The following HELZ variants were observed in gnomAD, a reference collection of about 807,000 sequenced individuals.
HELZ encodes the protein helicase with zinc finger.
HELZ carries 23 observed loss-of-function variants against 218.2 expected under a neutral mutation model. That is an observed-to-expected ratio of 0.11 (90% confidence interval 0.08 to 0.15). The LOEUF is 0.15. Among genes scored for constraint, HELZ ranks in the 10% least tolerant of loss-of-function variants. The pLI is 1.00. For missense variants in HELZ, 1,813 were observed against 2,353.7 expected (o/e 0.77, Z 4.75); for synonymous variants, 814 against 829.4 (o/e 0.98, Z 0.32).
intron 16 of HELZ, 78 bp downstream of exon 16, chr17:67,160,819 G>T: frequency 9.6e-7 from 1 of 1,045,610 alleles, no homozygotes; most frequent in Non-Finnish European, 1.4e-6. Context: ...TGTCTTGCTA[G>T]CCCTCATTGT....
intron 20 of HELZ, among the ~76,000 whole-genome samples, chr17:67,147,359 T>C (rs2144022172): frequency 6.6e-6 from 1 of 152,328 alleles, no homozygotes; most frequent in Middle Eastern, 3.4e-3. Flanking sequence ...ACAGCTCTTG[T>C]TACAGTCTTT....
At position 67,151,430 on chromosome 17, in the gene HELZ, C is replaced by A. The variant is rs182550669; in HGVS notation, c.2178-206G>T. Among the ~76,000 whole-genome samples, 239 of 152,234 alleles carry A rather than the reference C, an allele frequency of 1.6e-3. 2 individuals are homozygous for A. The highest frequency in any genetic ancestry group is 5.5e-3 in the African/African-American group (227 of 41,542). ...GACTCTCTACCAAAAAAATGACAGA[C>A]ATAGAAAGTATATGCAGTACCACAA... On this transcript the variant is annotated intron_variant, in intron 17 of 32. Transcript: ENST00000358691.
intron 5 of HELZ, among the ~76,000 whole-genome samples, chr17:67,207,101 G>A (rs561357612): frequency 1.3e-4 from 20 of 150,064 alleles, no homozygotes; most frequent in African/African-American, 3.4e-4. Context: ...TAGTAGAGAC[G>A]GCGGTTCTCC....
In HELZ at chr17:67,073,920, T is replaced by C. The variant is rs1446847937; in HGVS notation, c.*4332A>G. Reference sequence around the variant, plus strand: ...GGGAAATGTGAGGAGCATATCATAATGAGCATTTTCAAGACTAACATGCCA... The same window carrying C: ...GGGAAATGTGAGGAGCATATCATAACGAGCATTTTCAAGACTAACATGCCA... On this transcript the variant is annotated 3_prime_UTR_variant, in exon 33 of 33. Coordinates refer to ENST00000358691, the MANE Select transcript of HELZ (RefSeq NM_014877.4). 1 of 152,326 alleles carries C rather than the reference T, an allele frequency of 6.6e-6. No homozygotes were observed. The highest frequency in any genetic ancestry group is 2.1e-4 in the South Asian group (1 of 4,834). The allele number at this position is 152,326 out of a possible 1,614,324, so 9.4% of individuals were successfully genotyped here.
At chr17:67,109,036 T>C in intron 29 of HELZ, 80 bp downstream of exon 29, 1 of 1,205,958 alleles carries the variant, frequency 8.3e-7, no homozygotes, top group East Asian at 2.3e-5. Flanking sequence ...CAATTCAATC[T>C]TAACCCAAAA....
intron 18 of HELZ, among the ~76,000 whole-genome samples, chr17:67,150,527 T>C (rs557961812): frequency 1.2e-4 from 19 of 152,184 alleles, no homozygotes; most frequent in Non-Finnish European, 2.4e-4. Flanking sequence ...CTAGTTTGAT[T>C]TTACATGGTT....
Position 67,167,482 on chromosome 17 carries a change from C to A in HELZ, c.1745G>T (p.Arg582Leu), listed in dbSNP as rs750066876. ...ACATACCTGTGTGTCACAGTCAGGC[C>A]GAAGATTAAGTTCTTCACAGCATTC... ...SRECCEELNLRPDCDTQVELQ... is the reference protein window; with the variant it reads ...SRECCEELNLLPDCDTQVELQ... Residue 582 changes from arginine to leucine, a missense_variant, in exon 14 of 33, where the codon CGG becomes CTG. By Grantham distance (102) the Arg-to-Leu change is moderately radical (BLOSUM62 -2). Around this residue, in one of 4 missense-constraint regions of HELZ, gnomAD observed 714 missense variants for 1,029.2 expected, o/e 0.69. Transcript: ENST00000358691. The A allele has an allele frequency of 1.2e-6, 2 of 1,612,424 alleles. No individual in the cohort carries two copies. Among genetic ancestry groups the A allele is most frequent in the Non-Finnish European group, 1.7e-6 (2 of 1,178,784 alleles).
rs774411397 is a variant in HELZ, at chr17:67,107,201, C to T, written c.5209G>A (p.Val1737Ile). 6 of 1,614,042 alleles carry T rather than the reference C, an allele frequency of 3.7e-6. No individual in the cohort carries two copies. The highest frequency in any genetic ancestry group is 5.1e-6 in the Non-Finnish European group (6 of 1,179,940). The change falls in exon 31 of 33, where the codon GTA (valine) becomes ATA (isoleucine). Residue 1737 changes from valine (V) to isoleucine (I), a missense_variant. Val to Ile is a conservative substitution (Grantham distance 29, BLOSUM62 3). Transcript: ENST00000358691. ...AAGCTAGGGAGCGAAGAAGAAGATA[C>T]TGTTCGAGATGACAATGGGTGAAAT... ...EPFHPLSSRT[V>I]SSSSLPSLEE... is the part of the protein sequence containing the mutation.
At chr17:67,109,031 C>G in intron 29 of HELZ, 85 bp downstream of exon 29, 1 of 1,156,130 alleles carries the variant, frequency 8.6e-7, no homozygotes. Context: ...AGAAACAATT[C>G]AATCTTAACC....
rs371937478 is a variant in HELZ, at chr17:67,195,420, C to G, written c.480G>C (p.Glu160Asp). The G allele has an allele frequency of 6.3e-6, 10 of 1,588,556 alleles. No homozygotes were observed. The highest frequency in any genetic ancestry group is 8.6e-6 in the Non-Finnish European group (10 of 1,157,364). The stretch of plus-strand genomic sequence containing the variant: ...AGTTACACAGCATTTGGCACTTACC[C>G]TCATCTAAGTCTTCCACGTGATATC... ...LSGYHVEDLD[E>D]GSCNGWHFRP... Residue 160 changes from glutamate to aspartate, a missense_variant and splice_region_variant, in exon 8 of 33, where the codon GAG becomes GAC. Coordinates refer to ENST00000358691, the MANE Select transcript of HELZ (RefSeq NM_014877.4).
chr17:67,201,274 G>T, intron 6 of HELZ, 89 bp from the exon 7 acceptor site: 1 of 816,914 alleles, frequency 1.2e-6, no homozygotes. Context: ...TTGTTTCTGA[G>T]TTTATTTGTA....
chr17:67,178,609 C>T (rs764453676), intron 13 of HELZ, 50 bp downstream of exon 13: 29 of 1,455,588 alleles, frequency 2.0e-5, no homozygotes, highest in Non-Finnish European at 2.5e-5. Context: ...ATTAGAAATA[C>T]CATCCAAAGG....
intron 23 of HELZ, among the ~76,000 whole-genome samples, chr17:67,134,246 G>A (rs890362762): frequency 6.6e-6 from 1 of 152,050 alleles, no homozygotes; most frequent in Non-Finnish European, 1.5e-5. Flanking sequence ...TTAGCTGGGC[G>A]TGGTGGCGCA....
intron 12 of HELZ, among the ~76,000 whole-genome samples, chr17:67,181,099 A>C (rs1445133965): frequency 6.6e-6 from 1 of 152,086 alleles, no homozygotes; most frequent in African/African-American, 2.4e-5. Flanking sequence ...AATAGTAAGG[A>C]ATCTATTTAG....
chr17:67,195,518 T>C (rs2039999994), intron 7 of HELZ, 48 bp from the exon 8 acceptor site: 3 of 1,061,822 alleles, frequency 2.8e-6, no homozygotes, highest in South Asian at 1.3e-5. Flanking sequence ...ATAACGTTGA[T>C]GCTGAACTAA....
At chr17:67,240,478 A>T (rs1407220846) in intron 2 of HELZ, among the ~76,000 whole-genome samples, 1 of 152,208 alleles carries the variant, frequency 6.6e-6, no homozygotes, top group East Asian at 1.9e-4. Context: ...GCATAAAAGT[A>T]AATAATTTTT....
chr17:67,158,405 T>C (rs1433637135), intron 17 of HELZ, among the ~76,000 whole-genome samples: 2 of 152,198 alleles, frequency 1.3e-5, no homozygotes, highest in African/African-American at 4.8e-5. Context: ...CCCATGTTTG[T>C]TGTCTATTAG....
At chr17:67,086,312 G>T (rs1409122558) in intron 32 of HELZ, among the ~76,000 whole-genome samples, 1 of 152,004 alleles carries the variant, frequency 6.6e-6, no homozygotes, top group Non-Finnish European at 1.5e-5. Context: ...AACTGGCCAG[G>T]TGCGGTGGCT....
chr17:67,136,466 A>T (rs1236589586), intron 22 of HELZ, among the ~76,000 whole-genome samples: 1 of 152,230 alleles, frequency 6.6e-6, no homozygotes, highest in Non-Finnish European at 1.5e-5. Flanking sequence ...AAAAGAACTG[A>T]AAGGAGTGAC....
Sources: gnomAD v4.1 joint callset for allele counts (sites outside exome capture counted in the v4.1 genomes callset) on GRCh38, gnomAD v4.1.1 for gene constraint, gnomAD v4.1.1 regional missense constraint, MANE v1.5 for transcripts, NCBI Gene and HGNC (gene_info 2026-07-23, HGNC 2026-07-21) for gene names.